The following PRUNE2 variants were observed in gnomAD, a reference collection of about 807,000 sequenced individuals.
The protein encoded by PRUNE2 is protein prune homolog 2.
PRUNE2 carries 164 observed loss-of-function variants against 252.0 expected under a neutral mutation model. That is an observed-to-expected ratio of 0.65 (90% CI 0.57 to 0.74). PRUNE2 has a LOEUF of 0.74. PRUNE2 is among the 30% of genes least tolerant of loss of function. The probability of loss-of-function intolerance (pLI) is 0.00; values close to 1 mark genes in which losing one functional copy is unlikely to be tolerated. For missense variants in PRUNE2, 3,495 were observed against 3,711.0 expected, an observed-to-expected ratio of 0.94 and a Z score of 1.51; for synonymous variants, 1,292 against 1,350.2, an observed-to-expected ratio of 0.96 and a Z score of 0.94.
intron 9 of PRUNE2, among the ~76,000 whole-genome samples, chr9:76,670,597 C>G (rs868172639): frequency 1.3e-5 from 2 of 152,170 alleles, no homozygotes; most frequent in African/African-American, 4.8e-5. Flanking sequence ...CCTCTGGGGG[C>G]AGGACACAGA....
chr9:76,666,441 A>T (rs1288098595), intron 9 of PRUNE2, among the ~76,000 whole-genome samples: 1 of 152,196 alleles, frequency 6.6e-6, no homozygotes, highest in East Asian at 1.9e-4. Context: ...CCTGTACACC[A>T]GGCTCTGCCT....
At chr9:76,680,745 T>C (rs2043331384) in intron 9 of PRUNE2, among the ~76,000 whole-genome samples, 2 of 152,178 alleles carry the variant, frequency 1.3e-5, no homozygotes, top group Non-Finnish European at 2.9e-5. Flanking sequence ...TTTAATTGAC[T>C]CAGAGTTCTG....
chr9:76,737,113 T>C (rs1050315475), intron 6 of PRUNE2: 11 of 152,194 alleles, frequency 7.2e-5, no homozygotes, highest in Non-Finnish European at 1.3e-4. Context: ...TCCTTCTTGA[T>C]GAGATAAAAC....
chr9:76,848,446 C>T (rs1388663102), intron 3 of PRUNE2, among the ~76,000 whole-genome samples: 1 of 152,168 alleles, frequency 6.6e-6, no homozygotes, highest in Non-Finnish European at 1.5e-5. Flanking sequence ...AGCAGCCACA[C>T]ATGGGCAGGT....
In PRUNE2 at chr9:76,675,142, T is replaced by A. The variant is rs1414003671; in HGVS notation, c.8277-19640A>T. On this transcript the variant is annotated intron_variant, in intron 9 of 18. Transcript: ENST00000376718. ...GTGAACAGGCAACCTACAAAATGGG[T>A]GAAAATTTTCGCAACTTACTCATCT... 7.1e-3 allele frequency among the ~76,000 whole-genome samples: 685 copies of A among 96,732 alleles called. 4 individuals are homozygous for A. Among genetic ancestry groups the A allele is most frequent in the African/African-American group, 9.9e-3 (294 of 29,614 alleles). 63.5% of individuals were successfully genotyped at this position (96,732 alleles called of 152,430 possible). A position where few individuals can be genotyped will look rare whatever the true frequency, so the allele number is the denominator to read the frequency against.
intron 6 of PRUNE2, among the ~76,000 whole-genome samples, chr9:76,767,516 T>C (rs192661828): frequency 1.3e-5 from 2 of 152,178 alleles, no homozygotes; most frequent in East Asian, 3.9e-4. Context: ...CACTTCTTCC[T>C]TGCCCTTGAC....
At chr9:76,758,549 G>C (rs1053898478) in intron 6 of PRUNE2, 2 of 150,998 alleles carry the variant, frequency 1.3e-5, no homozygotes, top group Non-Finnish European at 2.9e-5. Context: ...AGTTAGGATG[G>C]AGTGCAGCAC....
chr9:76,778,846 T>C (rs1459412412), intron 6 of PRUNE2: 1 of 152,220 alleles, frequency 6.6e-6, no homozygotes, highest in East Asian at 1.9e-4. Context: ...ATGATTATCA[T>C]TCAATCTCAT....
At chr9:76,766,317 A>G (rs986997319) in intron 6 of PRUNE2, among the ~76,000 whole-genome samples, 2 of 152,154 alleles carry the variant, frequency 1.3e-5, no homozygotes, top group African/African-American at 2.4e-5. Flanking sequence ...GGCAAAGCCT[A>G]TCTGTGTGGG....
At chr9:76,618,022 T>A (rs1263693778) in intron 18 of PRUNE2, among the ~76,000 whole-genome samples, 1 of 152,250 alleles carries the variant, frequency 6.6e-6, no homozygotes, top group Non-Finnish European at 1.5e-5. Context: ...TTGAAGCAAT[T>A]GTTATCTTCA....
chr9:76,780,352 A>G (rs1239566286), intron 6 of PRUNE2, among the ~76,000 whole-genome samples: 3 of 152,162 alleles, frequency 2.0e-5, no homozygotes, highest in African/African-American at 7.2e-5. Flanking sequence ...AGACAAGTTG[A>G]GAGACCATTT....
intron 12 of PRUNE2, among the ~76,000 whole-genome samples, chr9:76,641,085 T>C (rs529464878): frequency 2.0e-5 from 3 of 152,326 alleles, no homozygotes; most frequent in South Asian, 4.1e-4. Flanking sequence ...CCTTGGAATG[T>C]TGCAGCGTCA....
chr9:76,783,109 C>T (rs1183815078), intron 6 of PRUNE2, among the ~76,000 whole-genome samples: 1 of 152,108 alleles, frequency 6.6e-6, no homozygotes, highest in Non-Finnish European at 1.5e-5. Flanking sequence ...ACTTGATTAA[C>T]ATCAGTTGTA....
intron 10 of PRUNE2, 98 bp downstream of exon 10, chr9:76,655,325 T>G (rs1445857994): frequency 2.2e-6 from 2 of 893,062 alleles, no homozygotes; most frequent in African/African-American, 3.3e-5. Flanking sequence ...ATCACTGAAA[T>G]CATAAGTTAG....
chr9:76,748,638 A>C (rs575400900), intron 6 of PRUNE2: 2 of 152,390 alleles, frequency 1.3e-5, no homozygotes, highest in African/African-American at 4.8e-5. Context: ...ATGGCACATA[A>C]ATGATATCTC....
intron 4 of PRUNE2, among the ~76,000 whole-genome samples, chr9:76,832,783 T>A (rs2058741368): frequency 6.6e-6 from 1 of 151,950 alleles, no homozygotes; most frequent in Non-Finnish European, 1.5e-5. Flanking sequence ...TAAGGAGTTT[T>A]GAAAACAATT....
chr9:76,777,759 G>A (rs1420647817), intron 6 of PRUNE2, among the ~76,000 whole-genome samples: 1 of 152,178 alleles, frequency 6.6e-6, no homozygotes, highest in Non-Finnish European at 1.5e-5. Flanking sequence ...AGAATATCAG[G>A]GGAAAGGGAA....
intron 6 of PRUNE2, among the ~76,000 whole-genome samples, chr9:76,755,713 CTGTTT>C (rs989266697): frequency 3.3e-5 from 5 of 152,230 alleles, no homozygotes; most frequent in African/African-American, 1.2e-4. Flanking sequence ...GTTTTTGTTT[CTGTTT>C]TGAGTCAGGG....
At chr9:76,881,625 T>C (rs1354758499) in intron 1 of PRUNE2, among the ~76,000 whole-genome samples, 1 of 151,626 alleles carries the variant, frequency 6.6e-6, no homozygotes, top group African/African-American at 2.4e-5. Context: ...CATTTCTTTT[T>C]TTTTTTTTTT....
Sources: allele counts gnomAD v4.1 joint callset (sites outside exome capture counted in the v4.1 genomes callset), GRCh38; gene constraint gnomAD v4.1.1; transcripts MANE v1.5; gene names NCBI Gene and HGNC (gene_info 2026-07-23, HGNC 2026-07-21).